IPO11: variants seen among roughly 807,000 people sequenced by gnomAD.
The protein encoded by IPO11 is importin 11, also known as importin-11.
In IPO11, 66 loss-of-function variants were observed where a neutral mutation model predicts 143.2. The observed-to-expected ratio is 0.46, with a 90% CI of 0.38 to 0.57. IPO11 has a LOEUF of 0.57. Among genes scored for constraint, IPO11 ranks in the 20% least tolerant of loss-of-function variants. IPO11 has a pLI of 0.00. For missense variants in IPO11, 1,026 were observed against 1,141.0 expected, an observed-to-expected ratio of 0.90 and a Z score of 1.45; for synonymous variants, 385 against 377.8, an observed-to-expected ratio of 1.02 and a Z score of -0.22.
At chr5:62,487,989 C>A in intron 13 of IPO11, 128 bp downstream of exon 13, 1 of 770,576 alleles carries the variant, frequency 1.3e-6, no homozygotes, top group Non-Finnish European at 2.0e-6. Context: ...TTGAGAAAAA[C>A]AATTTTAAAA....
intron 9 of IPO11, among the ~76,000 whole-genome samples, chr5:62,479,769 A>G (rs1746114449): frequency 6.6e-6 from 1 of 152,072 alleles, no homozygotes; most frequent in African/African-American, 2.4e-5. Context: ...TCCTTTGCCC[A>G]CTTTTTGATA....
chr5:62,499,804 AT>A (rs1162773713), intron 16 of IPO11, among the ~76,000 whole-genome samples: 1 of 151,886 alleles, frequency 6.6e-6, no homozygotes, highest in African/African-American at 2.4e-5. Context: ...AGCTTTTTTT[AT>A]TTTACAGTTT....
chr5:62,610,991 A>G (rs769184689), intron 29 of IPO11, among the ~76,000 whole-genome samples: 5 of 152,112 alleles, frequency 3.3e-5, no homozygotes, highest in Non-Finnish European at 5.9e-5. Flanking sequence ...CTCACATTCT[A>G]CCTGCTTCTC....
chr5:62,456,391 C>T (rs544316140), intron 5 of IPO11, among the ~76,000 whole-genome samples: 1 of 152,172 alleles, frequency 6.6e-6, no homozygotes, highest in South Asian at 2.1e-4. Flanking sequence ...AATCCAAAGT[C>T]ACTAAAAATA....
intron 2 of IPO11, 29 bp downstream of exon 2, chr5:62,437,446 C>CT (rs775689322): frequency 6.4e-7 from 1 of 1,571,730 alleles, no homozygotes; most frequent in Admixed American, 1.9e-5. Flanking sequence ...GTTTGCTTTT[C>CT]TTTTTAATAA....
At chr5:62,512,982 T>C (rs1741816847) in intron 19 of IPO11, among the ~76,000 whole-genome samples, 3 of 149,392 alleles carry the variant, frequency 2.0e-5, no homozygotes, top group East Asian at 2.0e-4. Context: ...CCATGTCTAC[T>C]TCTTTCTACA....
At chr5:62,503,372 CTAATATATTAATAGTATCTAT>C (rs58749589) in intron 16 of IPO11, among the ~76,000 whole-genome samples, 239 of 65,168 alleles carry the variant, frequency 3.7e-3, no homozygotes, top group African/African-American at 7.2e-3. Context: ...ATAGTATCTA[CTAATATATTAATAGTATCTAT>C]TAATATATTA....
Position 62,470,268 on chromosome 5 carries a change from T to TTAA in IPO11, c.670_672dup (p.Asn224dup). On this transcript the variant is annotated inframe_insertion, in exon 7 of 30. Coordinates refer to ENST00000325324, the MANE Select transcript of IPO11 (RefSeq NM_016338.5). ...TTTTCAGTGCTGCGTAAGTTAACTG[T>TTAA]TAATGGATTTGTGGAACCTCATAAG... 1.2e-6 allele frequency: 2 copies of TTAA among 1,613,902 alleles called. No individual in the cohort carries two copies. The highest frequency in any genetic ancestry group is 1.7e-6 in the Non-Finnish European group (2 of 1,179,860).
chr5:62,579,221 C>G (rs943923994), intron 27 of IPO11, among the ~76,000 whole-genome samples: 1 of 152,022 alleles, frequency 6.6e-6, no homozygotes, highest in African/African-American at 2.4e-5. Flanking sequence ...ATGGCCTGAT[C>G]ATGTTAATAA....
intron 28 of IPO11, among the ~76,000 whole-genome samples, chr5:62,596,108 A>T (rs1745203973): frequency 6.6e-6 from 1 of 151,532 alleles, no homozygotes; most frequent in Non-Finnish European, 1.5e-5. Context: ...AAAAAAAAAA[A>T]AAAATTGAAA....
At chr5:62,541,327 C>T (rs943097684) in intron 24 of IPO11, among the ~76,000 whole-genome samples, 6 of 150,808 alleles carry the variant, frequency 4.0e-5, no homozygotes, top group African/African-American at 1.5e-4. Context: ...GCCGAGATGA[C>T]GCCATTGCAC....
intron 26 of IPO11, among the ~76,000 whole-genome samples, chr5:62,554,041 A>G (rs1268584677): frequency 1.3e-5 from 2 of 151,940 alleles, no homozygotes; most frequent in African/African-American, 4.8e-5. Context: ...GATGTTGACC[A>G]TTTTTTCATG....
intron 15 of IPO11, among the ~76,000 whole-genome samples, chr5:62,491,513 A>G (rs774033515): frequency 2.0e-5 from 3 of 152,152 alleles, no homozygotes; most frequent in Non-Finnish European, 2.9e-5. Context: ...ACGTGTAGCT[A>G]TTGAGCACTT....
intron 28 of IPO11, among the ~76,000 whole-genome samples, chr5:62,600,819 A>G (rs148395584): frequency 6.6e-6 from 1 of 152,302 alleles, no homozygotes; most frequent in African/African-American, 2.4e-5. Context: ...ACCAGTGGGC[A>G]CTGACTGGAT....
chr5:62,548,600 A>G (rs555836525), intron 24 of IPO11, among the ~76,000 whole-genome samples: 3 of 152,290 alleles, frequency 2.0e-5, no homozygotes, highest in Admixed American at 6.5e-5. Flanking sequence ...GAAAATATCT[A>G]GCACTCTGTT....
chr5:62,598,213 G>C (rs1383568068), intron 28 of IPO11, among the ~76,000 whole-genome samples: 2 of 152,068 alleles, frequency 1.3e-5, no homozygotes, highest in South Asian at 4.2e-4. Flanking sequence ...TACTGGCACT[G>C]GGGGGCTGGG....
chr5:62,424,750 T>G (rs1743658787), intron 1 of IPO11, among the ~76,000 whole-genome samples: 1 of 152,134 alleles, frequency 6.6e-6, no homozygotes, highest in Admixed American at 6.5e-5. Context: ...TCTGAATATT[T>G]GTTCTTATCT....
intron 5 of IPO11, among the ~76,000 whole-genome samples, chr5:62,457,841 T>TA (rs1359438730): frequency 3.9e-5 from 6 of 152,168 alleles, no homozygotes; most frequent in African/African-American, 1.4e-4. Flanking sequence ...TACAGTGCTG[T>TA]AAAATTTATT....
At chr5:62,477,798 T>C (rs188014106) in intron 9 of IPO11, among the ~76,000 whole-genome samples, 275 of 152,372 alleles carry the variant, frequency 1.8e-3, no homozygotes, top group African/African-American at 6.3e-3. Context: ...TTTCAGTTCT[T>C]TCAACTCTTT....
Sources: gnomAD v4.1 joint callset for allele counts (sites outside exome capture counted in the v4.1 genomes callset) on GRCh38, gnomAD v4.1.1 for gene constraint, MANE v1.5 for transcripts, NCBI Gene and HGNC (gene_info 2026-07-23, HGNC 2026-07-21) for gene names.